The following DCLK2 variants were observed in gnomAD, a reference collection of about 807,000 sequenced individuals.
The protein encoded by DCLK2 is serine/threonine-protein kinase DCLK2.
A neutral mutation model predicts 78.4 loss-of-function variants in DCLK2; 31 were observed. The ratio of observed to expected loss-of-function variants is 0.40; its 90% CI spans 0.30 to 0.53. The LOEUF (loss-of-function observed/expected upper bound fraction) is 0.53, where lower values mean the gene tolerates loss of function less well. Ranked by LOEUF, DCLK2 falls within the 20% of genes least tolerant of loss-of-function variation. The probability of loss-of-function intolerance (pLI) is 0.61; values close to 1 mark genes in which losing one functional copy is unlikely to be tolerated. For missense variants in DCLK2, 872 were observed against 973.7 expected (o/e 0.90, Z 1.39); for synonymous variants, 407 against 374.9 (o/e 1.09, Z -0.99).
intron 2 of DCLK2, among the ~76,000 whole-genome samples, chr4:150,112,764 C>T (rs1248530380): frequency 2.0e-5 from 3 of 151,756 alleles, no homozygotes; most frequent in Non-Finnish European, 4.4e-5. Context: ...ATTATCCCTG[C>T]ATGCCTGGGG....
chr4:150,205,284 G>A (rs988384444), intron 5 of DCLK2, among the ~76,000 whole-genome samples: 1 of 152,152 alleles, frequency 6.6e-6, no homozygotes, highest in African/African-American at 2.4e-5. Flanking sequence ...TGACTGTAAG[G>A]TTTGCTTGTC....
chr4:150,153,904 C>A (rs949813071), intron 2 of DCLK2, among the ~76,000 whole-genome samples: 1 of 152,082 alleles, frequency 6.6e-6, no homozygotes, highest in African/African-American at 2.4e-5. Flanking sequence ...TCCATATGCC[C>A]CTGGTAGCTT....
intron 2 of DCLK2, among the ~76,000 whole-genome samples, chr4:150,182,735 A>G (rs1325076643): frequency 1.3e-5 from 2 of 152,148 alleles, no homozygotes; most frequent in Admixed American, 6.5e-5. Context: ...TTTCTTAGGG[A>G]AAAAAATGAA....
At chr4:150,157,171 T>G (rs1252415365) in intron 2 of DCLK2, among the ~76,000 whole-genome samples, 1 of 80,986 alleles carries the variant, frequency 1.2e-5, no homozygotes, top group Admixed American at 1.2e-4. Context: ...TCACCTGTTT[T>G]TTTTTTTTTT....
intron 5 of DCLK2, among the ~76,000 whole-genome samples, chr4:150,205,585 A>G (rs889528160): frequency 1.3e-5 from 2 of 152,206 alleles, no homozygotes; most frequent in Non-Finnish European, 2.9e-5. Flanking sequence ...GTGGACTTTT[A>G]AATTGTCAAT....
At chr4:150,099,618 C>T (rs576200846) in intron 1 of DCLK2, among the ~76,000 whole-genome samples, 2 of 152,130 alleles carry the variant, frequency 1.3e-5, no homozygotes, top group Non-Finnish European at 2.9e-5. Context: ...ATGTGCTGAA[C>T]CTATGTGCTG....
chr4:150,177,481 T>C (rs1423931743), intron 2 of DCLK2, among the ~76,000 whole-genome samples: 1 of 152,172 alleles, frequency 6.6e-6, no homozygotes, highest in East Asian at 1.9e-4. Flanking sequence ...TCGAAGAACT[T>C]TGGTCACTAA....
chr4:150,148,464 C>T (rs1365000557), intron 2 of DCLK2, among the ~76,000 whole-genome samples: 3 of 151,650 alleles, frequency 2.0e-5, no homozygotes, highest in African/African-American at 7.3e-5. Context: ...TAGGTGTGAT[C>T]ATAGCACATT....
intron 4 of DCLK2, among the ~76,000 whole-genome samples, chr4:150,198,707 T>G (rs183052302): frequency 1.3e-5 from 2 of 152,314 alleles, no homozygotes; most frequent in Non-Finnish European, 2.9e-5. Flanking sequence ...ATATATTGAT[T>G]TTATGGGTTT....
intron 1 of DCLK2, among the ~76,000 whole-genome samples, chr4:150,085,169 C>CT (rs1729552445): frequency 6.6e-6 from 1 of 152,176 alleles, no homozygotes; most frequent in Non-Finnish European, 1.5e-5. Context: ...TTCTGAAACT[C>CT]TGTGTTCTTA....
intron 2 of DCLK2, among the ~76,000 whole-genome samples, chr4:150,186,245 C>A (rs1368141562): frequency 6.6e-6 from 1 of 151,500 alleles, no homozygotes; most frequent in Non-Finnish European, 1.5e-5. Flanking sequence ...TTTCCTCAGA[C>A]GGATTTAGCG....
chr4:150,142,857 ACATGGG>A (rs1402514569), intron 2 of DCLK2, among the ~76,000 whole-genome samples: 6 of 151,170 alleles, frequency 4.0e-5, no homozygotes, highest in African/African-American at 1.5e-4. Flanking sequence ...CATGTTTGTC[ACATGGG>A]TATGTTGTAT....
At chr4:150,111,247 A>C (rs1731673477) in intron 2 of DCLK2, among the ~76,000 whole-genome samples, 1 of 151,994 alleles carries the variant, frequency 6.6e-6, no homozygotes. Context: ...AATGATGTGG[A>C]GCATTTTTTA....
rs1329442542 is a variant in DCLK2 at position 150,257,320 on chromosome 4, G to A, written c.*1073G>A. 6.6e-6 allele frequency: 1 copy of A among 152,652 alleles called. No individual in the cohort carries two copies. The highest frequency in any genetic ancestry group is 1.5e-5 in the Non-Finnish European group (1 of 68,060). 9.5% of individuals were successfully genotyped at this position (152,652 alleles called of 1,614,324 possible). On this transcript the variant is annotated 3_prime_UTR_variant, in exon 16 of 16. Transcript: ENST00000296550. ...TTTTTAATAATTGTACATAATCCGT[G>A]TATTTGTTTTACCTGCTCATCTTCT...
chr4:150,145,503 G>C (rs28361896), intron 2 of DCLK2, among the ~76,000 whole-genome samples: 24,343 of 152,156 alleles, frequency 0.16, 2,407 homozygotes, highest in Non-Finnish European at 0.23. Context: ...CCCAAGTGTT[G>C]GCAGAAAGTA....
intron 5 of DCLK2, 118 bp from the exon 6 acceptor site, chr4:150,220,585 G>A (rs536751815): frequency 6.7e-5 from 48 of 719,450 alleles, no homozygotes; most frequent in Non-Finnish European, 8.8e-5. Context: ...GAAAGGGAAC[G>A]CCTCCTCGGT....
At chr4:150,194,557 T>C (rs1738725275) in intron 3 of DCLK2, among the ~76,000 whole-genome samples, 1 of 152,208 alleles carries the variant, frequency 6.6e-6, no homozygotes, top group Admixed American at 6.5e-5. Flanking sequence ...CTGGGAATAC[T>C]GTTTTACCCT....
At position 150,247,707 on chromosome 4, in the gene DCLK2, C is replaced by A. The variant is rs1249561245; in HGVS notation, c.1875+8C>A. 15 of 1,611,980 alleles carry A rather than the reference C, an allele frequency of 9.3e-6. No individual in the cohort carries two copies. The East Asian group carries it at 3.3e-4, about 36-fold the overall frequency. Reference sequence around the variant, plus strand: ...ATCACGGACTCTGCCAAGGTACCCTCCAGGCCTGTTTCTGTGGGTTGTATT... The same window carrying A: ...ATCACGGACTCTGCCAAGGTACCCTACAGGCCTGTTTCTGTGGGTTGTATT... On this transcript the variant is annotated splice_region_variant and intron_variant, in intron 13 of 15. Transcript: ENST00000296550.
chr4:150,117,314 T>C (rs1283347668), intron 2 of DCLK2, among the ~76,000 whole-genome samples: 5 of 152,160 alleles, frequency 3.3e-5, no homozygotes, highest in African/African-American at 9.7e-5. Context: ...TAGCAGCAGC[T>C]AGCTAGGTTC....
Sources: allele counts gnomAD v4.1 joint callset (sites outside exome capture counted in the v4.1 genomes callset), GRCh38; gene constraint gnomAD v4.1.1; transcripts MANE v1.5; gene names NCBI Gene and HGNC (gene_info 2026-07-23, HGNC 2026-07-21).